Variants in TBXAS1 observed in about 807,000 individuals in gnomAD.
TBXAS1 encodes thromboxane-A synthase.
Under a neutral mutation model 60.7 loss-of-function variants are expected in TBXAS1, and 48 were observed. The ratio of observed to expected loss-of-function variants is 0.79; its 90% CI spans 0.63 to 1.01. The LOEUF is 1.01. Among genes scored for constraint, TBXAS1 ranks in the 50% least tolerant of loss-of-function variants. The probability of loss-of-function intolerance (pLI) is 0.00; values close to 1 mark genes in which losing one functional copy is unlikely to be tolerated. For synonymous variants in TBXAS1, 287 were observed against 269.7 expected, an observed-to-expected ratio of 1.06 and a Z score of -0.63; for missense variants, 685 against 686.3, an observed-to-expected ratio of 1.00 and a Z score of 0.02.
At chr7:140,015,131 G>A (rs1410297073) in intron 10 of TBXAS1, among the ~76,000 whole-genome samples, 2 of 152,116 alleles carry the variant, frequency 1.3e-5, no homozygotes, top group Non-Finnish European at 2.9e-5. Context: ...CAATGACATA[G>A]ACAGACCAAG....
At chr7:139,794,171 G>A (rs993679220) in intron 4 of TBXAS1, among the ~76,000 whole-genome samples, 6 of 151,654 alleles carry the variant, frequency 4.0e-5, no homozygotes, top group East Asian at 1.9e-4. Context: ...GCATGATCTC[G>A]GCTCGCTGCA....
chr7:140,004,515 A>T lies in TBXAS1; in HGVS notation c.1135-2576A>T, dbSNP rs1382418764. Among the ~76,000 whole-genome samples, 2 of 152,240 alleles carry T rather than the reference A, an allele frequency of 1.3e-5. No individual in the cohort carries two copies. The highest frequency in any genetic ancestry group is 2.9e-5 in the Non-Finnish European group (2 of 68,044). ...GTGTTTGTGACTTGTTGGCCAGAAGAGACAAACACAAACCAAACTCATAAA... is the reference window on the plus strand; with the variant it reads ...GTGTTTGTGACTTGTTGGCCAGAAGTGACAAACACAAACCAAACTCATAAA... On this transcript the variant is annotated intron_variant, in intron 9 of 12. Transcript: ENST00000448866. The surrounding 1 kb of genome is among the most constrained non-coding windows in gnomAD (Gnocchi z 5.1).
At chr7:139,870,583 G>A (rs555181189) in intron 1 of TBXAS1, among the ~76,000 whole-genome samples, 49 of 152,330 alleles carry the variant, frequency 3.2e-4, no homozygotes, top group African/African-American at 1.1e-3. Context: ...CACTAATGAA[G>A]AGGAGTGTTG....
intron 4 of TBXAS1, among the ~76,000 whole-genome samples, chr7:139,796,849 A>C (rs1439675657): frequency 2.6e-5 from 4 of 152,256 alleles, no homozygotes; most frequent in Non-Finnish European, 5.9e-5. Context: ...TTTTGGCTGC[A>C]GCCTCTAATG....
chr7:139,780,117 T>C (rs1207830149), intron 1 of TBXAS1, among the ~76,000 whole-genome samples: 1 of 152,236 alleles, frequency 6.6e-6, no homozygotes, highest in Non-Finnish European at 1.5e-5. Context: ...GTGTCTGTAT[T>C]TTGATTATGA....
chr7:139,897,535 C>A (rs1465630849), intron 3 of TBXAS1, among the ~76,000 whole-genome samples: 2 of 152,046 alleles, frequency 1.3e-5, no homozygotes, highest in Non-Finnish European at 2.9e-5. Flanking sequence ...GGAGTTGGGG[C>A]CCACATGTGG....
chr7:139,784,672 G>A (rs1797129598), intron 3 of TBXAS1, among the ~76,000 whole-genome samples: 2 of 152,196 alleles, frequency 1.3e-5, no homozygotes, highest in Admixed American at 1.3e-4. Flanking sequence ...AATGACGCTG[G>A]AGATTGTATG....
At chr7:139,969,955 C>T (rs551111136) in intron 9 of TBXAS1, among the ~76,000 whole-genome samples, 4 of 152,166 alleles carry the variant, frequency 2.6e-5, no homozygotes, top group Non-Finnish European at 5.9e-5. Context: ...GTCACTGCAG[C>T]GTGAGAAAAG....
At chr7:139,784,207 GTTCT>G (rs1014014031) in intron 3 of TBXAS1, among the ~76,000 whole-genome samples, 5 of 74,056 alleles carry the variant, frequency 6.8e-5, no homozygotes, top group Non-Finnish European at 1.0e-4. Context: ...TCTTTCGTTT[GTTCT>G]TTCTTTCATT....
intron 10 of TBXAS1, among the ~76,000 whole-genome samples, chr7:140,010,455 TG>T (rs1814522518): frequency 6.6e-6 from 1 of 152,308 alleles, no homozygotes; most frequent in Middle Eastern, 3.4e-3. Flanking sequence ...AAGCTTCTGT[TG>T]ATCTCTTATG....
Position 139,975,262 on chromosome 7 carries a change from C to G in TBXAS1, c.1134+13029C>G, listed in dbSNP as rs1811482906. 6.6e-6 allele frequency among the ~76,000 whole-genome samples: 1 copy of G among 152,180 alleles called. No homozygotes were observed. The highest frequency in any genetic ancestry group is 1.5e-5 in the Non-Finnish European group (1 of 68,044). ...CTGGGATTCATGTTTGATTAAATAA[C>G]TGCACACAATAGCCTAGCAAAGTTG... is the stretch of plus-strand genomic sequence containing the variant. On this transcript the variant is annotated intron_variant, in intron 9 of 12. Coordinates refer to ENST00000448866, the MANE Select transcript of TBXAS1 (RefSeq NM_001061.7). The surrounding 1 kb of genome is among the most constrained non-coding windows in gnomAD (Gnocchi z 4.4).
intron 3 of TBXAS1, among the ~76,000 whole-genome samples, chr7:139,884,996 A>T (rs1184092849): frequency 6.6e-6 from 1 of 152,174 alleles, no homozygotes; most frequent in African/African-American, 2.4e-5. Flanking sequence ...ACCGAGTCTC[A>T]TGATGTGTGG....
intron 3 of TBXAS1, among the ~76,000 whole-genome samples, chr7:139,891,656 G>T (rs1428010644): frequency 6.6e-6 from 1 of 152,148 alleles, no homozygotes; most frequent in Non-Finnish European, 1.5e-5. Flanking sequence ...ACTTCACGAG[G>T]GTAGGGACTT....
chr7:139,911,156 G>A (rs534703723), intron 3 of TBXAS1, 69 bp from the exon 4 acceptor site: 35 of 1,356,968 alleles, frequency 2.6e-5, no homozygotes, highest in African/African-American at 1.3e-4. Context: ...CTAAGCTACC[G>A]TGAACTCTTT....
intron 1 of TBXAS1, chr7:139,780,698 C>T (rs970704866): frequency 6.5e-6 from 1 of 154,210 alleles, no homozygotes; most frequent in Non-Finnish European, 1.5e-5. Flanking sequence ...CTAACTCCTC[C>T]CTCTGACCAG....
At chr7:139,824,829 C>CTTTTCTTT (rs1401847052), upstream of TBXAS1, among the ~76,000 whole-genome samples, 19 of 38,870 alleles carry the variant, frequency 4.9e-4, 8 homozygotes, top group Admixed American at 1.0e-3. Context: ...TTTTCCTTTT[C>CTTTTCTTT]TTTTTTTTTT....
intron 1 of TBXAS1, among the ~76,000 whole-genome samples, chr7:139,855,467 G>C (rs1321052711): frequency 6.6e-6 from 1 of 151,952 alleles, no homozygotes; most frequent in Non-Finnish European, 1.5e-5. Flanking sequence ...AAAGGGATAA[G>C]GTGAAGGTCA....
At chr7:139,865,014 T>C (rs534956642) in intron 1 of TBXAS1, among the ~76,000 whole-genome samples, 232 of 152,332 alleles carry the variant, frequency 1.5e-3, no homozygotes, top group Non-Finnish European at 2.5e-3. Flanking sequence ...AATTTGTAAA[T>C]GAACAGTCTC....
chr7:139,780,626 G>A (rs970969764), intron 1 of TBXAS1: 5 of 154,372 alleles, frequency 3.2e-5, no homozygotes, highest in African/African-American at 1.2e-4. Flanking sequence ...GGTTAGATTA[G>A]AGAGAGAGTT....
Sources: gnomAD v4.1 joint callset for allele counts (sites outside exome capture counted in the v4.1 genomes callset) on GRCh38, gnomAD v4.1.1 for gene constraint, Gnocchi (gnomAD v3.1) non-coding constraint, MANE v1.5 for transcripts, NCBI Gene and HGNC (gene_info 2026-07-23, HGNC 2026-07-21) for gene names.